The following TMX1 variants were observed in gnomAD, a reference collection of about 807,000 sequenced individuals.
The protein encoded by TMX1 is thioredoxin related transmembrane protein 1, also known as thioredoxin-related transmembrane protein 1.
TMX1 carries 25 observed loss-of-function variants against 36.6 expected under a neutral mutation model. The ratio of observed to expected loss-of-function variants is 0.68; its 90% CI spans 0.50 to 0.95. The LOEUF (loss-of-function observed/expected upper bound fraction) is 0.95, where lower values mean the gene tolerates loss of function less well. TMX1 is among the 40% of genes least tolerant of loss of function. The probability of loss-of-function intolerance (pLI) is 0.00; values close to 1 mark genes in which losing one functional copy is unlikely to be tolerated. For synonymous variants in TMX1, 133 were observed against 118.0 expected, an observed-to-expected ratio of 1.13 and a Z score of -0.82; for missense variants, 347 against 339.6, an observed-to-expected ratio of 1.02 and a Z score of -0.17.
At chr14:51,250,843 C>A (rs916695920) in intron 7 of TMX1, among the ~76,000 whole-genome samples, 8 of 152,126 alleles carry the variant, frequency 5.3e-5, no homozygotes, top group African/African-American at 1.7e-4. Context: ...GAAATGAAGT[C>A]TATGGAGATT....
Position 51,249,768 on chromosome 14 carries a change from A to G in TMX1, c.664+3A>G. 1 of 1,595,088 alleles carries G rather than the reference A, an allele frequency of 6.3e-7. No homozygotes were observed. Among genetic ancestry groups the G allele is most frequent in the Non-Finnish European group, 8.5e-7 (1 of 1,169,942 alleles). ...ACAGCCGTACCCATACCCTTCAAGT[A>G]AGTATATTTTAAAATGTTTATTTTT... On this transcript the variant is annotated splice_donor_region_variant and intron_variant, in intron 7 of 7. Transcript: ENST00000457354.
At chr14:51,252,776 T>C (rs916206822) in intron 7 of TMX1, among the ~76,000 whole-genome samples, 1 of 152,180 alleles carries the variant, frequency 6.6e-6, no homozygotes, top group African/African-American at 2.4e-5. Flanking sequence ...TAAGCAAAAT[T>C]GGAATTTATT....
intron 2 of TMX1, 21 bp from the exon 3 acceptor site, chr14:51,245,292 C>T (rs1325157994): frequency 6.2e-7 from 1 of 1,613,204 alleles, no homozygotes. Context: ...GTAAAACCTG[C>T]TGTGTGTTCT....
Position 51,240,668 on chromosome 14 carries a change from C to T in TMX1, c.152+224C>T, listed in dbSNP as rs978884078. ...TTAAGTTTCTTCTGGGGTGCACCCT[C>T]GTTTCGTTTCTTGGGTTGTGGTGCG... On this transcript the variant is annotated intron_variant, in intron 1 of 7. Coordinates refer to ENST00000457354, the MANE Select transcript of TMX1 (RefSeq NM_030755.5). Among the ~76,000 whole-genome samples the T allele has an allele frequency of 5.3e-5, 8 of 152,160 alleles. No homozygotes were observed. The East Asian group carries it at 7.7e-4, about 15-fold the overall frequency.
chr14:51,256,137 A>G lies in TMX1; in HGVS notation c.*1618A>G, dbSNP rs1435483886. 2 of 152,390 alleles carry G rather than the reference A, an allele frequency of 1.3e-5. No homozygotes were observed. Among genetic ancestry groups the G allele is most frequent in the African/African-American group, 4.8e-5 (2 of 41,392 alleles). The allele number at this position is 152,390 out of a possible 1,614,324, so 9.4% of individuals were successfully genotyped here. A position where few individuals can be genotyped will look rare whatever the true frequency, so the allele number is the denominator to read the frequency against. ...TTCAGATGAGTAGTTGTGTGTTCCTATATATGTACTTGATATGTGTAATCA... is the reference window on the plus strand; with the variant it reads ...TTCAGATGAGTAGTTGTGTGTTCCTGTATATGTACTTGATATGTGTAATCA... On this transcript the variant is annotated 3_prime_UTR_variant, in exon 8 of 8. Transcript: ENST00000457354.
In TMX1 at chr14:51,255,885, A is replaced by C. The variant is rs2065836140; in HGVS notation, c.*1366A>C. The stretch of plus-strand genomic sequence containing the variant: ...CTTTCTAGGCTCTGTTGCTGTGTGA[A>C]TCCATTAGATTTACAGTATCGTAAT... On this transcript the variant is annotated 3_prime_UTR_variant, in exon 8 of 8. Transcript: ENST00000457354. 1 of 152,490 alleles carries C rather than the reference A, an allele frequency of 6.6e-6. No individual in the cohort carries two copies. Among genetic ancestry groups the C allele is most frequent in the Non-Finnish European group, 1.5e-5 (1 of 67,954 alleles). The allele number at this position is 152,490 out of a possible 1,614,324, so 9.4% of individuals were successfully genotyped here.
intron 1 of TMX1, among the ~76,000 whole-genome samples, chr14:51,241,215 A>T (rs191482694): frequency 6.6e-6 from 1 of 152,076 alleles, no homozygotes; most frequent in Non-Finnish European, 1.5e-5. Context: ...GAAATCATGT[A>T]TTTTGTGTGG....
chr14:51,243,892 A>T lies in TMX1; in HGVS notation c.189A>T (p.Gln63His), dbSNP rs61745163. ...APWCPACQNL[Q>H]PEWESFAEWG... ...GGTGCCCTGCTTGTCAAAATCTTCA[A>T]CCGGAATGGGAAAGTTTTGCTGAAT... is the stretch of plus-strand genomic sequence containing the variant. The change falls in exon 2 of 8, where the codon CAA (glutamine) becomes CAT (histidine). Residue 63 changes from glutamine (Q) to histidine (H), a missense_variant. Transcript: ENST00000457354. 6.2e-7 allele frequency: 1 copy of T among 1,611,568 alleles called. No homozygotes were observed. Among genetic ancestry groups the T allele is most frequent in the African/African-American group, 1.3e-5 (1 of 74,964 alleles).
chr14:51,251,362 TA>T (rs147657390), intron 7 of TMX1, among the ~76,000 whole-genome samples: 178 of 152,370 alleles, frequency 1.2e-3, no homozygotes, highest in African/African-American at 4.2e-3. Flanking sequence ...TTAGTTGTAT[TA>T]AATGCCTTTT....
intron 4 of TMX1, among the ~76,000 whole-genome samples, chr14:51,247,876 G>A (rs1397271722): frequency 1.3e-5 from 2 of 151,982 alleles, no homozygotes; most frequent in African/African-American, 2.4e-5. Flanking sequence ...TGAATGAGTA[G>A]GCTCAAACTT....
chr14:51,252,308 G>A (rs1444135238), intron 7 of TMX1, among the ~76,000 whole-genome samples: 2 of 71,928 alleles, frequency 2.8e-5, no homozygotes, highest in Non-Finnish European at 3.6e-5. Flanking sequence ...AATTTGGAGG[G>A]ATTGAAAGGT....
intron 7 of TMX1, among the ~76,000 whole-genome samples, chr14:51,252,116 C>A (rs1303178067): frequency 6.6e-6 from 1 of 151,432 alleles, no homozygotes; most frequent in East Asian, 1.9e-4. Context: ...AGAGTTGAAC[C>A]TAAGGAAATG....
Position 51,244,022 on chromosome 14 carries a change from A to G in TMX1, c.268+51A>G, listed in dbSNP as rs1444605328. 2.1e-6 allele frequency: 3 copies of G among 1,438,634 alleles called. No homozygotes were observed. The African/African-American group carries it at 4.3e-5, about 21-fold the overall frequency. 89.1% of individuals were successfully genotyped at this position (1,438,634 alleles called of 1,614,324 possible). A position where few individuals can be genotyped will look rare whatever the true frequency, so the allele number is the denominator to read the frequency against. On this transcript the variant is annotated intron_variant, in intron 2 of 7. Coordinates refer to ENST00000457354, the MANE Select transcript of TMX1 (RefSeq NM_030755.5). ...GTTTCTTTGCTGTTTGGGTTGATATATTTATCCTTTTTTCTACATTGCATA... is the reference window on the plus strand; with the variant it reads ...GTTTCTTTGCTGTTTGGGTTGATATGTTTATCCTTTTTTCTACATTGCATA...
chr14:51,250,396 TA>T (rs2065806117), intron 7 of TMX1, among the ~76,000 whole-genome samples: 1 of 152,252 alleles, frequency 6.6e-6, no homozygotes, highest in Non-Finnish European at 1.5e-5. Flanking sequence ...TTGAGGAGAC[TA>T]AGGTTCACAG....
intron 3 of TMX1, chr14:51,245,863 GT>G (rs770441418): frequency 4.5e-5 from 9 of 199,650 alleles, no homozygotes; most frequent in Admixed American, 1.6e-4. Flanking sequence ...CTTGGGTAGA[GT>G]AATAGGTGAC....
chr14:51,240,564 C>T (rs1049380966), intron 1 of TMX1, 120 bp downstream of exon 1: 1 of 1,384,234 alleles, frequency 7.2e-7, no homozygotes, highest in Non-Finnish European at 9.6e-7. Flanking sequence ...GAGCGAGCGT[C>T]CCCGACTTCT....
intron 1 of TMX1, among the ~76,000 whole-genome samples, chr14:51,242,379 C>T (rs898548083): frequency 6.6e-6 from 1 of 152,032 alleles, no homozygotes; most frequent in Non-Finnish European, 1.5e-5. Flanking sequence ...TCAAGTATTA[C>T]TCAAGGATAT....
In TMX1 at chr14:51,254,637, T is replaced by C. The variant is rs969296825; in HGVS notation, c.*118T>C. 4.5e-6 allele frequency: 4 copies of C among 890,346 alleles called. No individual in the cohort carries two copies. In the African/African-American group the frequency reaches 6.9e-5, roughly 15 times the overall value. The allele number at this position is 890,346 out of a possible 1,614,324, so 55.2% of individuals were successfully genotyped here. A position where few individuals can be genotyped will look rare whatever the true frequency, so the allele number is the denominator to read the frequency against. ...ATATTGCAGGGTTCAGTCTAGATTG[T>C]CATTAAATTGAAGAGTCTACATTCA... On this transcript the variant is annotated 3_prime_UTR_variant, in exon 8 of 8. Coordinates refer to ENST00000457354, the MANE Select transcript of TMX1 (RefSeq NM_030755.5).
intron 7 of TMX1, chr14:51,253,941 G>C (rs2065826575): frequency 1.3e-5 from 2 of 152,830 alleles, no homozygotes; most frequent in Non-Finnish European, 2.9e-5. Context: ...TTAAAAGGCA[G>C]TCAAATTTAG....
Sources: gnomAD v4.1 joint callset for allele counts (sites outside exome capture counted in the v4.1 genomes callset) on GRCh38, gnomAD v4.1.1 for gene constraint, MANE v1.5 for transcripts, NCBI Gene and HGNC (gene_info 2026-07-23, HGNC 2026-07-21) for gene names.